Variants in GALNT17 observed in about 807,000 individuals in gnomAD.
The protein encoded by GALNT17 is UDP-GalNAc:polypeptide N-acetylgalactosaminyltransferase-like 3.
In GALNT17, 29 loss-of-function variants were observed where a neutral mutation model predicts 63.7. The ratio of observed to expected loss-of-function variants is 0.46; its 90% CI spans 0.34 to 0.62. The LOEUF is 0.62. Ranked by LOEUF, GALNT17 falls within the 20% of genes least tolerant of loss-of-function variation. The pLI, the probability that GALNT17 is intolerant of heterozygous loss-of-function variation, is 0.01. For synonymous variants in GALNT17, 305 were observed against 318.3 expected, an observed-to-expected ratio of 0.96 and a Z score of 0.45; for missense variants, 603 against 799.6, an observed-to-expected ratio of 0.75 and a Z score of 2.97.
At chr7:71,153,547 T>C (rs1026358579) in intron 1 of GALNT17, among the ~76,000 whole-genome samples, 4 of 151,782 alleles carry the variant, frequency 2.6e-5, no homozygotes, top group African/African-American at 7.3e-5. Context: ...CTGGTCAGAG[T>C]TGCATTTTGG....
At chr7:71,634,004 C>T (rs571050090) in intron 6 of GALNT17, among the ~76,000 whole-genome samples, 1 of 152,334 alleles carries the variant, frequency 6.6e-6, no homozygotes, top group South Asian at 2.1e-4. Context: ...GTCTATTAAA[C>T]TCTCTCTACT....
intron 2 of GALNT17, among the ~76,000 whole-genome samples, chr7:71,376,425 G>GTTTTTGTTTTTTT (rs1792726717): frequency 1.6e-5 from 1 of 63,338 alleles, no homozygotes; most frequent in African/African-American, 6.2e-5. Context: ...GTTTGGAGTT[G>GTTTTTGTTTTTTT]TTTTTTTTTT....
chr7:71,346,392 CT>C (rs1792096518), intron 2 of GALNT17, among the ~76,000 whole-genome samples: 1 of 152,034 alleles, frequency 6.6e-6, no homozygotes. Flanking sequence ...TAATTTTTCC[CT>C]TTTATTGACT....
At chr7:71,567,242 A>G (rs772046916) in intron 5 of GALNT17, among the ~76,000 whole-genome samples, 7 of 152,182 alleles carry the variant, frequency 4.6e-5, no homozygotes, top group Non-Finnish European at 1.0e-4. Flanking sequence ...ATTAGAAGCC[A>G]TGCTTTCCCC....
chr7:71,438,681 A>G (rs1357259678), intron 5 of GALNT17, among the ~76,000 whole-genome samples: 1 of 152,186 alleles, frequency 6.6e-6, no homozygotes, highest in African/African-American at 2.4e-5. Flanking sequence ...TGCTCTAGAA[A>G]TAACAGCTGT....
At chr7:71,484,573 A>G (rs896896627) in intron 5 of GALNT17, among the ~76,000 whole-genome samples, 1 of 152,190 alleles carries the variant, frequency 6.6e-6, no homozygotes, top group African/African-American at 2.4e-5. Context: ...CATTGCCACA[A>G]ACATGTGAGT....
intron 1 of GALNT17, among the ~76,000 whole-genome samples, chr7:71,246,786 G>A (rs1017464718): frequency 3.2e-4 from 48 of 151,500 alleles, no homozygotes; most frequent in Non-Finnish European, 1.3e-4. Flanking sequence ...CTGAGAACGC[G>A]CCACTGCATT....
chr7:71,184,007 C>A (rs1788784840), intron 1 of GALNT17, among the ~76,000 whole-genome samples: 1 of 152,164 alleles, frequency 6.6e-6, no homozygotes, highest in Non-Finnish European at 1.5e-5. Flanking sequence ...TCCTAACCTC[C>A]AGCACCTCCC....
intron 5 of GALNT17, among the ~76,000 whole-genome samples, chr7:71,541,697 C>T (rs1788896167): frequency 6.6e-6 from 1 of 152,200 alleles, no homozygotes; most frequent in Admixed American, 6.5e-5. Context: ...CTAAGCCACC[C>T]TTTCCCTGAT....
intron 1 of GALNT17, among the ~76,000 whole-genome samples, chr7:71,143,449 T>G (rs2116178530): frequency 6.7e-6 from 1 of 150,184 alleles, no homozygotes; most frequent in Admixed American, 6.6e-5. Context: ...TGGATGCCCT[T>G]GAGAGGTGGT....
At chr7:71,163,505 C>CT (rs778038571) in intron 1 of GALNT17, among the ~76,000 whole-genome samples, 68 of 152,304 alleles carry the variant, frequency 4.5e-4, no homozygotes, top group Non-Finnish European at 8.7e-4. Flanking sequence ...TTTAAGGCCC[C>CT]TTTTCCCTAA....
At chr7:71,536,226 G>A (rs1161344766) in intron 5 of GALNT17, among the ~76,000 whole-genome samples, 1 of 152,182 alleles carries the variant, frequency 6.6e-6, no homozygotes, top group Non-Finnish European at 1.5e-5. Flanking sequence ...AGGCTCTGAT[G>A]ATGCCCCTGC....
intron 5 of GALNT17, among the ~76,000 whole-genome samples, chr7:71,544,316 G>A (rs894661633): frequency 1.4e-5 from 1 of 70,574 alleles, no homozygotes; most frequent in African/African-American, 5.4e-5. Flanking sequence ...TTTTTTTTTT[G>A]TATTTTTAGT....
intron 8 of GALNT17, among the ~76,000 whole-genome samples, chr7:71,674,096 C>T (rs955693224): frequency 1.2e-4 from 19 of 152,274 alleles, no homozygotes; most frequent in African/African-American, 4.6e-4. Context: ...TTTGTTTTTA[C>T]AAACTTTCTT....
At chr7:71,490,817 T>C (rs1364632534) in intron 5 of GALNT17, among the ~76,000 whole-genome samples, 1 of 152,158 alleles carries the variant, frequency 6.6e-6, no homozygotes, top group Non-Finnish European at 1.5e-5. Flanking sequence ...GGAGGATCTC[T>C]TGAGCCCAGG....
chr7:71,415,622 C>T (rs74488444), intron 3 of GALNT17, among the ~76,000 whole-genome samples: 1,638 of 152,274 alleles, frequency 0.011, 32 homozygotes, highest in African/African-American at 0.037. Flanking sequence ...TCTGCCGGCT[C>T]ATAGCAGCCG....
intron 5 of GALNT17, among the ~76,000 whole-genome samples, chr7:71,499,453 A>G (rs1306106553): frequency 6.6e-6 from 1 of 152,196 alleles, no homozygotes; most frequent in Admixed American, 6.5e-5. Flanking sequence ...ATTTGTAGAC[A>G]TTATTGTAAG....
chr7:71,377,097 A>AT lies in GALNT17; in HGVS notation c.423-11138_423-11137insT, dbSNP rs1343276747. ...CGATATTCCATCTCAAAAAAAAAAAAAAATAAAAATAAAAAAAATATATAT... is the reference window on the plus strand; with the variant it reads ...CGATATTCCATCTCAAAAAAAAAAAATAAATAAAAATAAAAAAAATATATAT... On this transcript the variant is annotated intron_variant, in intron 2 of 10. Coordinates refer to ENST00000333538, the MANE Select transcript of GALNT17 (RefSeq NM_022479.3). Among the ~76,000 whole-genome samples, 242 of 65,274 alleles carry AT rather than the reference A, an allele frequency of 3.7e-3. 37 individuals carry two copies. Among genetic ancestry groups the AT allele is most frequent in the African/African-American group, 0.022 (238 of 10,642 alleles). The allele number at this position is 65,274 out of a possible 152,430, so 42.8% of individuals were successfully genotyped here. A position where few individuals can be genotyped will look rare whatever the true frequency, so the allele number is the denominator to read the frequency against.
At chr7:71,294,380 T>C (rs1023472936) in intron 1 of GALNT17, among the ~76,000 whole-genome samples, 8 of 151,728 alleles carry the variant, frequency 5.3e-5, no homozygotes, top group Non-Finnish European at 4.4e-5. Context: ...AATATGCATA[T>C]TGTTTTGCTT....
Sources: allele counts gnomAD v4.1 joint callset (sites outside exome capture counted in the v4.1 genomes callset), GRCh38; gene constraint gnomAD v4.1.1; transcripts MANE v1.5; gene names NCBI Gene and HGNC (gene_info 2026-07-23, HGNC 2026-07-21).